Variants in CAMSAP1 observed in about 807,000 individuals in gnomAD.
The protein encoded by CAMSAP1 is calmodulin-regulated spectrin-associated protein 1.
In CAMSAP1, 58 loss-of-function variants were observed where a neutral mutation model predicts 143.5. The ratio of observed to expected loss-of-function variants is 0.40; its 90% CI spans 0.33 to 0.50. The LOEUF (loss-of-function observed/expected upper bound fraction) is 0.50, where lower values mean the gene tolerates loss of function less well. CAMSAP1 is among the 20% of genes least tolerant of loss of function. CAMSAP1 has a pLI of 0.45. For missense variants in CAMSAP1, 1,969 were observed against 2,115.7 expected, an observed-to-expected ratio of 0.93 and a Z score of 1.36; for synonymous variants, 945 against 859.3, an observed-to-expected ratio of 1.10 and a Z score of -1.74.
chr9:135,832,719 C>A (rs1835894518), intron 7 of CAMSAP1, among the ~76,000 whole-genome samples: 1 of 152,076 alleles, frequency 6.6e-6, no homozygotes, highest in Non-Finnish European at 1.5e-5. Flanking sequence ...CATGAAAAAA[C>A]TGTAGCATTT....
intron 1 of CAMSAP1, among the ~76,000 whole-genome samples, chr9:135,897,639 T>C (rs1028480409): frequency 6.6e-6 from 1 of 152,104 alleles, no homozygotes; most frequent in African/African-American, 2.4e-5. Flanking sequence ...TCCTGGGTCA[T>C]CAAGCCATGA....
Position 135,862,608 on chromosome 9 carries a change from C to A in CAMSAP1, c.667G>T (p.Val223Phe). 1 of 1,551,622 alleles carries A rather than the reference C, an allele frequency of 6.4e-7. No individual in the cohort carries two copies. Among genetic ancestry groups the A allele is most frequent in the Non-Finnish European group, 8.7e-7 (1 of 1,147,000 alleles). ...QLLESPAHQK[V>F]RYRREHLSAR... ...GAAAGGTGCTCTCGTCGATAGCGGA[C>A]CTGTAGTTGATAAAAGGAAAACGGT... The change falls in exon 5 of 17, where the codon GTC becomes TTC. Residue 223 changes from valine to phenylalanine, a missense_variant and splice_region_variant. Val to Phe is a conservative substitution (Grantham distance 50). Transcript: ENST00000389532.
At chr9:135,862,704 G>A (rs916612876) in intron 4 of CAMSAP1, 96 bp from the exon 5 acceptor site, 11 of 1,247,750 alleles carry the variant, frequency 8.8e-6, no homozygotes, top group East Asian at 5.1e-5. Context: ...TTAACATAAC[G>A]CCTAACAGAC....
intron 5 of CAMSAP1, among the ~76,000 whole-genome samples, chr9:135,850,835 A>G (rs1000628323): frequency 1.3e-5 from 2 of 152,214 alleles, no homozygotes; most frequent in African/African-American, 4.8e-5. Context: ...AACCCTCTGC[A>G]CAAGGTTTCC....
At chr9:135,871,210 A>T (rs1837560247) in intron 3 of CAMSAP1, among the ~76,000 whole-genome samples, 1 of 152,170 alleles carries the variant, frequency 6.6e-6, no homozygotes. Flanking sequence ...TTATTTTGAG[A>T]TGGGGTCTCA....
chr9:135,855,146 C>T (rs1021165780), intron 5 of CAMSAP1, among the ~76,000 whole-genome samples: 9 of 152,086 alleles, frequency 5.9e-5, no homozygotes, highest in African/African-American at 2.2e-4. Flanking sequence ...TGTGCACCAC[C>T]ACCCCCGGCC....
Position 135,823,128 on chromosome 9 carries a change from C to T in CAMSAP1, c.1533G>A (p.Leu511=). 6.2e-7 allele frequency: 1 copy of T among 1,613,800 alleles called. No individual in the cohort carries two copies. Among genetic ancestry groups the T allele is most frequent in the Non-Finnish European group, 8.5e-7 (1 of 1,179,812 alleles). ...TGGGGTGTGGCTGGTTCTGTGGGGT[C>T]AGATTAACAATGTTGGATGCCAAAC... ...KDSLASNIVN[L]TPQNQPHPTA... Residue 511 remains leucine, a synonymous_variant, in exon 11 of 17, where the codon CTG becomes CTA. Transcript: ENST00000389532.
Position 135,850,382 on chromosome 9 carries a change from A to G in CAMSAP1, c.888T>C (p.Tyr296=). The G allele has an allele frequency of 1.2e-6, 2 of 1,612,006 alleles. No homozygotes were observed. Among genetic ancestry groups the G allele is most frequent in the Non-Finnish European group, 1.7e-6 (2 of 1,179,320 alleles). Residue 296 remains tyrosine (Y), a synonymous_variant, in exon 6 of 17, where the codon TAT becomes TAC. Transcript: ENST00000389532. ...AGGTGAGATAAAAACATTTATTAAG[A>G]TATTCATTGGAGAATTCTCTCAGAA... ...IRLLREFSNE[Y]LNKCFYLTLE... is the part of the protein sequence containing the mutation.
chr9:135,882,992 G>C lies in CAMSAP1; in HGVS notation c.247C>G (p.Leu83Val), dbSNP rs758136655. Residue 83 changes from leucine to valine, a missense_variant, in exon 2 of 17, where the codon CTG becomes GTG. By Grantham distance (32) the Leu-to-Val change is conservative. This residue lies in a region of CAMSAP1 where 215 missense variants were observed against 196.2 expected (regional missense o/e 1.10). Transcript: ENST00000389532. The surrounding 1 kb of genome is among the most constrained non-coding windows in gnomAD (Gnocchi z 4.9). ...ACACGGCAGTACAGCTCGCTGGACA[G>C]GAGAAGCTTGATAACAGGCGGCTTA... ...HIKPPVIKLLLSSELYCRVCS... is the reference protein window; with the variant it reads ...HIKPPVIKLLVSSELYCRVCS... 52 of 1,551,666 alleles carry C rather than the reference G, an allele frequency of 3.4e-5. No individual in the cohort carries two copies. Among genetic ancestry groups the C allele is most frequent in the Admixed American group, 2.0e-4 (10 of 50,996 alleles).
Position 135,860,088 on chromosome 9 carries a change from G to A in CAMSAP1, c.808+2379C>T, listed in dbSNP as rs576068758. Among the ~76,000 whole-genome samples the A allele has an allele frequency of 4.6e-5, 7 of 151,718 alleles. No individual in the cohort carries two copies. The South Asian group carries it at 1.3e-3, about 27-fold the overall frequency. On this transcript the variant is annotated intron_variant, in intron 5 of 16. Coordinates refer to ENST00000389532, the MANE Select transcript of CAMSAP1 (RefSeq NM_015447.4). Reference sequence around the variant, plus strand: ...ATACAAAAGTTAGCCAGGCATGGTCGTACGTGCCTGTAGTCCCAGCTACTC... The same window carrying A: ...ATACAAAAGTTAGCCAGGCATGGTCATACGTGCCTGTAGTCCCAGCTACTC...
chr9:135,811,573 C>T lies in CAMSAP1; in HGVS notation c.4545G>A (p.Leu1515=). 1 of 1,599,218 alleles carries T rather than the reference C, an allele frequency of 6.3e-7. No homozygotes were observed. The highest frequency in any genetic ancestry group is 8.5e-7 in the Non-Finnish European group (1 of 1,172,540). Residue 1515 remains leucine (L), a synonymous_variant, in exon 17 of 17, where the codon CTG becomes CTA. Coordinates refer to ENST00000389532, the MANE Select transcript of CAMSAP1 (RefSeq NM_015447.4). The surrounding 1 kb of genome is among the most constrained non-coding windows in gnomAD (Gnocchi z 4.9). ...TGAACTGGCAGCCAGCATCACGAAACAGTATGATGTAGTGATTGGCATCAC... is the reference window on the plus strand; with the variant it reads ...TGAACTGGCAGCCAGCATCACGAAATAGTATGATGTAGTGATTGGCATCAC... The part of the protein sequence containing the change: ...EKCDANHYII[L]FRDAGCQFRA...
intron 1 of CAMSAP1, among the ~76,000 whole-genome samples, chr9:135,903,303 G>A (rs1182601786): frequency 4.6e-5 from 7 of 152,178 alleles, no homozygotes; most frequent in African/African-American, 1.2e-4. Context: ...ATTTTTAAGC[G>A]GACAATTTTC....
At chr9:135,889,283 C>CT (rs1387205829) in intron 1 of CAMSAP1, among the ~76,000 whole-genome samples, 4 of 152,142 alleles carry the variant, frequency 2.6e-5, no homozygotes, top group African/African-American at 9.7e-5. Context: ...AAAACCAACA[C>CT]CTCAGGCCTC....
chr9:135,876,221 G>A (rs1837742890), intron 3 of CAMSAP1, among the ~76,000 whole-genome samples: 1 of 152,202 alleles, frequency 6.6e-6, no homozygotes, highest in South Asian at 2.1e-4. Flanking sequence ...CCAAAGTGCT[G>A]TGATTACAGG....
intron 5 of CAMSAP1, among the ~76,000 whole-genome samples, chr9:135,853,130 C>T (rs1176142526): frequency 2.0e-5 from 3 of 152,174 alleles, no homozygotes; most frequent in African/African-American, 4.8e-5. Flanking sequence ...GTCACCAATA[C>T]GGAGATGTCC....
At chr9:135,837,980 AT>A (rs1836154680) in intron 7 of CAMSAP1, among the ~76,000 whole-genome samples, 9 of 145,904 alleles carry the variant, frequency 6.2e-5, no homozygotes, top group Non-Finnish European at 1.2e-4. Context: ...GACACACATC[AT>A]CACACGCTTT....
At chr9:135,900,185 C>T (rs965886985) in intron 1 of CAMSAP1, among the ~76,000 whole-genome samples, 1 of 151,894 alleles carries the variant, frequency 6.6e-6, no homozygotes, top group African/African-American at 2.4e-5. Context: ...ACCACCATGC[C>T]CAACTAATTT....
intron 3 of CAMSAP1, among the ~76,000 whole-genome samples, chr9:135,876,314 T>A (rs1837745946): frequency 6.6e-6 from 1 of 152,188 alleles, no homozygotes; most frequent in Non-Finnish European, 1.5e-5. Flanking sequence ...TGGGAGAAGA[T>A]CTTCATGATA....
intron 5 of CAMSAP1, among the ~76,000 whole-genome samples, chr9:135,853,209 A>G (rs1836840012): frequency 6.6e-6 from 1 of 151,960 alleles, no homozygotes; most frequent in African/African-American, 2.4e-5. Context: ...AAACACACCA[A>G]GGGCCACTAC....
Sources: allele counts gnomAD v4.1 joint callset (sites outside exome capture counted in the v4.1 genomes callset), GRCh38; gene constraint gnomAD v4.1.1; regional missense constraint gnomAD v4.1.1; non-coding constraint Gnocchi (gnomAD v3.1); transcripts MANE v1.5; gene names NCBI Gene and HGNC (gene_info 2026-07-23, HGNC 2026-07-21).